Variants in IQCM observed in about 807,000 individuals in gnomAD.
IQCM encodes the protein IQ motif containing M.
In IQCM, 45 loss-of-function variants were observed where a neutral mutation model predicts 57.6. The observed-to-expected ratio is 0.78, with a 90% confidence interval of 0.62 to 1.00. The LOEUF (loss-of-function observed/expected upper bound fraction) is 1.00. IQCM is among the 50% of genes least tolerant of loss of function. The pLI is 0.00. For missense variants in IQCM, 468 were observed against 511.6 expected, an observed-to-expected ratio of 0.91 and a Z score of 0.82; for synonymous variants, 148 against 158.9, an observed-to-expected ratio of 0.93 and a Z score of 0.51.
At chr4:149,373,505 C>T (rs963177667) in intron 13 of IQCM, among the ~76,000 whole-genome samples, 13 of 152,010 alleles carry the variant, frequency 8.6e-5, no homozygotes, top group Non-Finnish European at 1.8e-4. Context: ...GGTTAAATAA[C>T]GTGTACAATA....
At chr4:149,691,884 T>C (rs1762965746) in intron 5 of IQCM, 1 of 152,194 alleles carries the variant, frequency 6.6e-6, no homozygotes, top group African/African-American at 2.4e-5. Flanking sequence ...TTTTCACTAA[T>C]GAGGAATTCA....
At chr4:149,530,718 G>A (rs368425941) in intron 12 of IQCM, among the ~76,000 whole-genome samples, 1 of 151,750 alleles carries the variant, frequency 6.6e-6, no homozygotes, top group East Asian at 1.9e-4. Flanking sequence ...ACAAAGAAAA[G>A]GCTAACACCT....
rs12648878 is a variant in IQCM, at chr4:149,700,679, G to T, written c.386-14211C>A. Among the ~76,000 whole-genome samples the T allele has an allele frequency of 0.012, 1,872 of 152,116 alleles. 63 individuals carry two copies. The South Asian group carries it at 0.14, about 11-fold the overall frequency. On this transcript the variant is annotated intron_variant, in intron 5 of 13. Coordinates refer to ENST00000636793, the MANE Select transcript of IQCM (RefSeq NM_001363507.2). ...AGGAGCATGGGCATTTGAGTCAGTA[G>T]ACTCAGCTGCCTGACCGCTTGCCTT...
chr4:149,488,476 T>C (rs1741753506), intron 12 of IQCM, among the ~76,000 whole-genome samples: 1 of 152,192 alleles, frequency 6.6e-6, no homozygotes, highest in African/African-American at 2.4e-5. Context: ...TATCATCATA[T>C]AAATTTCTTT....
intron 5 of IQCM, among the ~76,000 whole-genome samples, chr4:149,708,642 T>C (rs1387367327): frequency 6.6e-6 from 1 of 152,052 alleles, no homozygotes; most frequent in Non-Finnish European, 1.5e-5. Flanking sequence ...AACAGCTCTT[T>C]GTACATGATT....
At chr4:149,810,392 G>A (rs1453737216) in intron 2 of IQCM, among the ~76,000 whole-genome samples, 1 of 150,718 alleles carries the variant, frequency 6.6e-6, no homozygotes, top group Non-Finnish European at 1.5e-5. Context: ...AAAAGTTGGA[G>A]TGCTTATACC....
At chr4:149,605,644 A>G (rs904668446) in intron 8 of IQCM, among the ~76,000 whole-genome samples, 3 of 152,224 alleles carry the variant, frequency 2.0e-5, no homozygotes, top group Non-Finnish European at 4.4e-5. Flanking sequence ...GGCCCAGATA[A>G]TATTGCTGCA....
At chr4:149,744,410 C>T (rs1297121846) in intron 2 of IQCM, among the ~76,000 whole-genome samples, 2 of 152,138 alleles carry the variant, frequency 1.3e-5, no homozygotes, top group African/African-American at 4.8e-5. Flanking sequence ...CCATCATTTT[C>T]TTGTTTTAAT....
chr4:149,388,776 C>G (rs866317925), intron 13 of IQCM, among the ~76,000 whole-genome samples: 7 of 141,706 alleles, frequency 4.9e-5, no homozygotes, highest in Middle Eastern at 3.9e-3. Context: ...TATATATATA[C>G]ACACACACAC....
intron 7 of IQCM, among the ~76,000 whole-genome samples, chr4:149,630,238 A>G: frequency 6.6e-6 from 1 of 152,326 alleles, no homozygotes; most frequent in East Asian, 1.9e-4. Context: ...TTTGTCAGGA[A>G]GCACTCTGCC....
intron 12 of IQCM, among the ~76,000 whole-genome samples, chr4:149,459,462 G>T (rs975681493): frequency 6.6e-6 from 1 of 152,170 alleles, no homozygotes; most frequent in Non-Finnish European, 1.5e-5. Flanking sequence ...TAACATAAAA[G>T]TTACCATATT....
intron 13 of IQCM, among the ~76,000 whole-genome samples, chr4:149,365,302 G>T (rs923450987): frequency 6.6e-6 from 1 of 151,956 alleles, no homozygotes; most frequent in African/African-American, 2.4e-5. Flanking sequence ...TCTAAATCTG[G>T]AAAAAATTGA....
chr4:149,357,924 C>T (rs187278445), intron 13 of IQCM, among the ~76,000 whole-genome samples: 1 of 152,116 alleles, frequency 6.6e-6, no homozygotes, highest in East Asian at 1.9e-4. Context: ...AATTTCAGAG[C>T]CTGTTATTGG....
At chr4:149,784,918 T>C (rs75319359) in intron 2 of IQCM, among the ~76,000 whole-genome samples, 22,280 of 152,064 alleles carry the variant, frequency 0.15, 1,669 homozygotes, top group Middle Eastern at 0.19. Context: ...ATTTGTTAAA[T>C]AAACAAATGA....
At chr4:149,610,230 A>T (rs1180884811) in intron 8 of IQCM, among the ~76,000 whole-genome samples, 2 of 152,010 alleles carry the variant, frequency 1.3e-5, no homozygotes, top group East Asian at 3.8e-4. Context: ...ATTGAAGAGG[A>T]CAAAAAAATG....
intron 13 of IQCM, among the ~76,000 whole-genome samples, chr4:149,404,669 A>G (rs1287916685): frequency 6.6e-6 from 1 of 152,044 alleles, no homozygotes; most frequent in Non-Finnish European, 1.5e-5. Context: ...TCAGATATGG[A>G]ACAAAAAGTA....
At chr4:149,656,613 T>G (rs1759659413) in intron 7 of IQCM, among the ~76,000 whole-genome samples, 1 of 152,158 alleles carries the variant, frequency 6.6e-6, no homozygotes, top group Non-Finnish European at 1.5e-5. Context: ...TGAGAATACC[T>G]CCTTCCTTTC....
intron 2 of IQCM, chr4:149,748,642 T>G (rs893516187): frequency 1.3e-5 from 2 of 152,188 alleles, no homozygotes; most frequent in African/African-American, 4.8e-5. Context: ...AAAATATGAT[T>G]TGGCAATACA....
At chr4:149,666,461 A>G (rs1205486103) in intron 7 of IQCM, among the ~76,000 whole-genome samples, 3 of 152,100 alleles carry the variant, frequency 2.0e-5, no homozygotes, top group Admixed American at 2.0e-4. Context: ...GGGTGCCTGC[A>G]CCACCAGGGC....
Sources: allele counts gnomAD v4.1 joint callset (sites outside exome capture counted in the v4.1 genomes callset), GRCh38; gene constraint gnomAD v4.1.1; transcripts MANE v1.5; gene names NCBI Gene and HGNC (gene_info 2026-07-23, HGNC 2026-07-21).